EYS: variants seen among roughly 807,000 people sequenced by gnomAD.
The protein encoded by EYS is EGF-like photoreceptor maintenance factor, also known as protein eyes shut homolog.
Under a neutral mutation model 282.1 loss-of-function variants are expected in EYS, and 250 were observed. The observed-to-expected ratio is 0.89, with a 90% CI of 0.80 to 0.98. EYS has a LOEUF of 0.98. EYS is among the 50% of genes least tolerant of loss of function. The pLI is 0.00. For missense variants in EYS, 4,016 were observed against 3,709.0 expected, an observed-to-expected ratio of 1.08 and a Z score of -2.15; for synonymous variants, 1,355 against 1,282.9, an observed-to-expected ratio of 1.06 and a Z score of -1.20.
chr6:64,566,696 T>C (rs1212839444), intron 26 of EYS, among the ~76,000 whole-genome samples: 1 of 152,164 alleles, frequency 6.6e-6, no homozygotes, highest in African/African-American at 2.4e-5. Flanking sequence ...ATTAAAATCA[T>C]GTATTAAAAG....
chr6:63,830,814 G>A (rs540706136), intron 36 of EYS, among the ~76,000 whole-genome samples: 118 of 152,346 alleles, frequency 7.7e-4, no homozygotes, highest in African/African-American at 2.6e-3. Context: ...GGCAGCCAGA[G>A]AGAAAGGTCA....
At chr6:64,413,563 ACC>A (rs1773974290) in intron 28 of EYS, among the ~76,000 whole-genome samples, 1 of 139,282 alleles carries the variant, frequency 7.2e-6, no homozygotes. Context: ...AACAACAAAA[ACC>A]CAAAAAAAAA....
intron 22 of EYS, among the ~76,000 whole-genome samples, chr6:64,696,136 A>G (rs1395778939): frequency 6.6e-6 from 1 of 152,220 alleles, no homozygotes; most frequent in East Asian, 1.9e-4. Flanking sequence ...GATATGAATG[A>G]GAAATGTACC....
chr6:63,924,026 A>C lies in EYS; in HGVS notation c.7056-59668T>G, dbSNP rs557621963. Among the ~76,000 whole-genome samples the C allele has an allele frequency of 5.9e-5, 9 of 151,928 alleles. No individual in the cohort carries two copies. The South Asian group carries it at 1.7e-3, about 28-fold the overall frequency. Reference sequence around the variant, plus strand: ...TCATAGATCTCTTTTTTTTTTCAAAAGCTTACAGAGAAAATGCATAATAAA... The same window carrying C: ...TCATAGATCTCTTTTTTTTTTCAAACGCTTACAGAGAAAATGCATAATAAA... On this transcript the variant is annotated intron_variant, in intron 35 of 42. Coordinates refer to ENST00000503581, the MANE Select transcript of EYS (RefSeq NM_001142800.2).
At chr6:65,407,115 T>C (rs960134454) in intron 5 of EYS, among the ~76,000 whole-genome samples, 1 of 152,178 alleles carries the variant, frequency 6.6e-6, no homozygotes, top group African/African-American at 2.4e-5. Context: ...CTCCATTTCT[T>C]TGGCTATTCT....
intron 36 of EYS, among the ~76,000 whole-genome samples, chr6:63,838,695 A>G (rs1771872001): frequency 6.6e-6 from 1 of 152,182 alleles, no homozygotes; most frequent in Admixed American, 6.5e-5. Flanking sequence ...CATCTCCCAC[A>G]TAGGATAAGG....
rs976571378 is a variant in EYS at position 63,919,829 on chromosome 6, C to T, written c.7056-55471G>A. ...TATGTTTCACATAATTTTTTGTGTG[C>T]TGCAGCAGCAGTTTCATCTTTATTT... On this transcript the variant is annotated intron_variant, in intron 35 of 42. Transcript: ENST00000503581. Among the ~76,000 whole-genome samples the T allele has an allele frequency of 3.9e-5, 6 of 152,358 alleles. No homozygotes were observed. The South Asian group carries it at 1.0e-3, about 26-fold the overall frequency.
At chr6:64,657,452 A>G (rs1276562343) in intron 22 of EYS, among the ~76,000 whole-genome samples, 1 of 152,128 alleles carries the variant, frequency 6.6e-6, no homozygotes, top group Non-Finnish European at 1.5e-5. Context: ...CCTAGCATTG[A>G]TGGTCTTTAC....
intron 28 of EYS, among the ~76,000 whole-genome samples, chr6:64,395,134 A>T (rs1773315358): frequency 6.6e-6 from 1 of 152,092 alleles, no homozygotes; most frequent in African/African-American, 2.4e-5. Context: ...AGGAAACAAC[A>T]GGTGCTGGAG....
chr6:63,823,224 T>A (rs1771370031), intron 36 of EYS, among the ~76,000 whole-genome samples: 1 of 152,170 alleles, frequency 6.6e-6, no homozygotes, highest in East Asian at 1.9e-4. Context: ...TGGTCCATAG[T>A]TTTATTTTCT....
intron 12 of EYS, among the ~76,000 whole-genome samples, chr6:65,263,841 T>G (rs759091366): frequency 1.3e-4 from 19 of 151,758 alleles, no homozygotes; most frequent in Middle Eastern, 3.2e-3. Flanking sequence ...TTCAAAACTT[T>G]AAGGTGCTAT....
At chr6:63,828,406 T>A (rs1771533081) in intron 36 of EYS, among the ~76,000 whole-genome samples, 1 of 145,884 alleles carries the variant, frequency 6.9e-6, no homozygotes, top group Admixed American at 6.8e-5. Flanking sequence ...ATACAAAAGA[T>A]CATTCAAGGT....
intron 27 of EYS, 58 bp downstream of exon 27, chr6:64,439,104 G>A: frequency 2.2e-6 from 2 of 899,240 alleles, no homozygotes; most frequent in Non-Finnish European, 3.2e-6. Context: ...AACCAATGAA[G>A]CACATAATTA....
intron 22 of EYS, among the ~76,000 whole-genome samples, chr6:64,802,023 C>CTTTTTTTCTTTTTTTT (rs1663451250): frequency 5.7e-5 from 4 of 70,780 alleles, no homozygotes; most frequent in African/African-American, 2.0e-4. Context: ...ATTTCTTTTT[C>CTTTTTTTCTTTTTTTT]TTTTTTTTTC....
intron 12 of EYS, among the ~76,000 whole-genome samples, chr6:65,110,605 T>A (rs1225044674): frequency 1.3e-5 from 2 of 151,804 alleles, no homozygotes; most frequent in Admixed American, 6.6e-5. Context: ...CCACGTATCA[T>A]CCCTATTTCT....
At chr6:64,439,436 T>C in intron 26 of EYS, 84 bp from the exon 27 acceptor site, 2 of 876,320 alleles carry the variant, frequency 2.3e-6, no homozygotes, top group South Asian at 4.2e-5. Flanking sequence ...AGCATATGTT[T>C]TCTCTAATGA....
At chr6:64,644,181 A>G (rs2184405) in intron 22 of EYS, among the ~76,000 whole-genome samples, 144,905 of 152,240 alleles carry the variant, frequency 0.95, 69,362 homozygotes, top group East Asian at 1. Flanking sequence ...ATTATATACA[A>G]GGGAGCAGAG....
chr6:65,296,201 TA>T (rs1368418572), intron 11 of EYS, 82 bp from the exon 12 acceptor site: 2 of 1,268,192 alleles, frequency 1.6e-6, no homozygotes, highest in African/African-American at 1.5e-5. Context: ...CACATTTATT[TA>T]AAAACACAGA....
In EYS at chr6:64,501,351, G is replaced by A. The variant is rs138019883; in HGVS notation, c.5645-61999C>T. ...TATTTAAAAAAATAACAAATCATTA[G>A]GATAGATTCAACATAAAAAGCAGAA... On this transcript the variant is annotated intron_variant, in intron 26 of 42. Transcript: ENST00000503581. Among the ~76,000 whole-genome samples, 8 of 151,908 alleles carry A rather than the reference G, an allele frequency of 5.3e-5. No homozygotes were observed. In the East Asian group the frequency reaches 1.4e-3, roughly 26 times the overall value.
Sources: gnomAD v4.1 joint callset for allele counts (sites outside exome capture counted in the v4.1 genomes callset) on GRCh38, gnomAD v4.1.1 for gene constraint, MANE v1.5 for transcripts, NCBI Gene and HGNC (gene_info 2026-07-23, HGNC 2026-07-21) for gene names.